SULT6B1: variants seen among roughly 807,000 people sequenced by gnomAD.
SULT6B1 encodes sulfotransferase family 6B member 1, also known as sulfotransferase 6B1.
A neutral mutation model predicts 37.2 loss-of-function variants in SULT6B1; 44 were observed. The ratio of observed to expected loss-of-function variants is 1.18; its 90% CI spans 0.93 to 1.52. SULT6B1 has a LOEUF of 1.52. Ranked by LOEUF, SULT6B1 falls within the 40% of genes most tolerant of loss-of-function variation. The probability of loss-of-function intolerance (pLI) is 0.00; values close to 1 mark genes in which losing one functional copy is unlikely to be tolerated. For synonymous variants in SULT6B1, 140 were observed against 126.0 expected, an observed-to-expected ratio of 1.11 and a Z score of -0.74; for missense variants, 450 against 361.0, an observed-to-expected ratio of 1.25 and a Z score of -2.00.
intron 3 of SULT6B1, among the ~76,000 whole-genome samples, chr2:37,180,667 T>C (rs1676530711): frequency 6.6e-6 from 1 of 152,144 alleles, no homozygotes; most frequent in Admixed American, 6.5e-5. Context: ...CTGGATCACT[T>C]GAGATCAGGA....
At chr2:37,179,675 T>C in intron 3 of SULT6B1, 91 bp from the exon 4 acceptor site, 1 of 1,118,284 alleles carries the variant, frequency 8.9e-7, no homozygotes, top group Non-Finnish European at 1.3e-6. Context: ...TGTCCACTCG[T>C]ATATTACATA....
chr2:37,182,924 G>A (rs1351566825), intron 3 of SULT6B1, among the ~76,000 whole-genome samples: 1 of 152,206 alleles, frequency 6.6e-6, no homozygotes, highest in Non-Finnish European at 1.5e-5. Context: ...TCCCATGCCT[G>A]TAATCTCACC....
At chr2:37,194,844 C>T (rs1368260543) in intron 1 of SULT6B1, 1 of 137,866 alleles carries the variant, frequency 7.3e-6, no homozygotes, top group African/African-American at 2.7e-5. Context: ...TCTTCTTTCT[C>T]CTTCCTTCCT....
chr2:37,171,613 A>G (rs1676305254), intron 5 of SULT6B1, 23 bp from the exon 6 acceptor site: 1 of 1,608,000 alleles, frequency 6.2e-7, no homozygotes, highest in Admixed American at 1.7e-5. Context: ...TTTCTTAAAG[A>G]TAAATTTCTT....
chr2:37,176,082 A>G (rs1022284730), intron 4 of SULT6B1, among the ~76,000 whole-genome samples: 3 of 152,142 alleles, frequency 2.0e-5, no homozygotes, highest in Admixed American at 2.0e-4. Flanking sequence ...CACATTGGAC[A>G]ATGCAGATGC....
chr2:37,187,261 T>C (rs1253560765), intron 2 of SULT6B1, 94 bp downstream of exon 2: 1 of 802,226 alleles, frequency 1.2e-6, no homozygotes, highest in Non-Finnish European at 2.1e-6. Flanking sequence ...ATTATTAGCA[T>C]TGCACTTTCT....
Position 37,174,868 on chromosome 2 carries a change from A to T in SULT6B1, c.624+264T>A, listed in dbSNP as rs530821362. On this transcript the variant is annotated intron_variant, in intron 5 of 6. Coordinates refer to ENST00000535679, the MANE Select transcript of SULT6B1 (RefSeq NM_001367551.1). ...TCAGACCTACCTATTTTTTTTTATT[A>T]CCAATTTGAACTATCCATCATAAAG... is the stretch of plus-strand genomic sequence containing the variant. Among the ~76,000 whole-genome samples, 5 of 152,220 alleles carry T rather than the reference A, an allele frequency of 3.3e-5. No homozygotes were observed. The South Asian group carries it at 1.0e-3, about 32-fold the overall frequency.
chr2:37,187,608 A>G, intron 1 of SULT6B1, 141 bp from the exon 2 acceptor site: 1 of 484,502 alleles, frequency 2.1e-6, no homozygotes, highest in Non-Finnish European at 3.6e-6. Flanking sequence ...TCTTTGAAAT[A>G]ACTTGGGCTA....
chr2:37,171,694 T>C, intron 5 of SULT6B1, 104 bp from the exon 6 acceptor site: 2 of 1,004,430 alleles, frequency 2.0e-6, no homozygotes, highest in Admixed American at 2.7e-5. Flanking sequence ...AACTCCCTAG[T>C]TCATCTCATC....
chr2:37,193,437 G>A (rs138749933), upstream of SULT6B1, among the ~76,000 whole-genome samples: 331 of 151,960 alleles, frequency 2.2e-3, 1 homozygote, highest in Middle Eastern at 0.01. Context: ...ACTCCAGCCC[G>A]GGTGACAGAG....
At chr2:37,191,081 T>C (rs1676770345), upstream of SULT6B1, 1 of 152,052 alleles carries the variant, frequency 6.6e-6, no homozygotes, top group Admixed American at 6.6e-5. Flanking sequence ...CTGGTTACAA[T>C]TGCAGAGTCA....
At chr2:37,175,296 CT>C in intron 4 of SULT6B1, 70 bp from the exon 5 acceptor site, 1 of 833,664 alleles carries the variant, frequency 1.2e-6, no homozygotes, top group Non-Finnish European at 1.9e-6. Context: ...TTAATTTATG[CT>C]ATAAAATATA....
At chr2:37,195,690 C>G (rs560679836) in intron 1 of SULT6B1, among the ~76,000 whole-genome samples, 1 of 152,302 alleles carries the variant, frequency 6.6e-6, no homozygotes, top group Non-Finnish European at 1.5e-5. Context: ...GTCTTGCACA[C>G]GGTACTTCAA....
At chr2:37,183,231 C>T (rs1676594444) in intron 3 of SULT6B1, among the ~76,000 whole-genome samples, 194 bp downstream of exon 3, 1 of 151,934 alleles carries the variant, frequency 6.6e-6, no homozygotes, top group Non-Finnish European at 1.5e-5. Context: ...GTTTTATTTC[C>T]TTGTTGAAAA....
intron 4 of SULT6B1, among the ~76,000 whole-genome samples, chr2:37,176,694 C>T (rs186390229): frequency 1.3e-5 from 2 of 152,266 alleles, no homozygotes; most frequent in South Asian, 2.1e-4. Flanking sequence ...GCCTACCCAA[C>T]ATCTAATACA....
At chr2:37,171,761 G>C (rs1282896670) in intron 5 of SULT6B1, among the ~76,000 whole-genome samples, 171 bp from the exon 6 acceptor site, 2 of 152,094 alleles carry the variant, frequency 1.3e-5, no homozygotes, top group East Asian at 3.8e-4. Context: ...AGATATCTCT[G>C]TAAGATATTC....
chr2:37,178,300 C>A lies in SULT6B1; in HGVS notation c.529+1158G>T, dbSNP rs1351161755. Among the ~76,000 whole-genome samples, 4 of 152,108 alleles carry A rather than the reference C, an allele frequency of 2.6e-5. No homozygotes were observed. The East Asian group carries it at 7.7e-4, about 29-fold the overall frequency. On this transcript the variant is annotated intron_variant, in intron 4 of 6. Transcript: ENST00000535679. ...TCACCCAGGCTGGAGTGCAGTTGAT[C>A]AATCTCGGCTCACTGCAACTTCCGC...
rs570267856 is a variant in SULT6B1 at position 37,178,455 on chromosome 2, C to T, written c.529+1003G>A. Among the ~76,000 whole-genome samples the T allele has an allele frequency of 6.6e-5, 10 of 152,178 alleles. No individual in the cohort carries two copies. In the South Asian group the frequency reaches 1.9e-3, roughly 28 times the overall value. On this transcript the variant is annotated intron_variant, in intron 4 of 6. Transcript: ENST00000535679. ...TTTGCCATGTTGGCCAGACTGGTCTCAAACTCCTAACCTCGAGTCATCCGC... is the reference window on the plus strand; with the variant it reads ...TTTGCCATGTTGGCCAGACTGGTCTTAAACTCCTAACCTCGAGTCATCCGC...
intron 4 of SULT6B1, 103 bp downstream of exon 4, chr2:37,179,355 G>T: frequency 6.8e-7 from 1 of 1,466,222 alleles, no homozygotes; most frequent in Admixed American, 2.1e-5. Flanking sequence ...TTGGTTCCCA[G>T]ATCTACCTAA....
Sources: gnomAD v4.1 joint callset for allele counts (sites outside exome capture counted in the v4.1 genomes callset) on GRCh38, gnomAD v4.1.1 for gene constraint, MANE v1.5 for transcripts, NCBI Gene and HGNC (gene_info 2026-07-23, HGNC 2026-07-21) for gene names.